The following ENPP3 variants were observed in gnomAD, a reference collection of about 807,000 sequenced individuals.
The protein encoded by ENPP3 is ectonucleotide pyrophosphatase/phosphodiesterase 3.
ENPP3 carries 104 observed loss-of-function variants against 117.8 expected under a neutral mutation model. The observed-to-expected ratio is 0.88, with a 90% CI of 0.75 to 1.04. The LOEUF (loss-of-function observed/expected upper bound fraction) is 1.04, where lower values mean the gene tolerates loss of function less well. Among genes scored for constraint, ENPP3 ranks in the 50% least tolerant of loss-of-function variants. The probability of loss-of-function intolerance (pLI) is 0.00; values close to 1 mark genes in which losing one functional copy is unlikely to be tolerated. For missense variants in ENPP3, 1,026 were observed against 1,051.9 expected (o/e 0.98, Z 0.34); for synonymous variants, 380 against 349.9 (o/e 1.09, Z -0.96).
chr6:131,683,183 C>A, intron 12 of ENPP3, 21 bp downstream of exon 12: 2 of 1,237,906 alleles, frequency 1.6e-6, no homozygotes, highest in Non-Finnish European at 2.4e-6. Context: ...AAAAAACATT[C>A]TTATTTTATC....
intron 20 of ENPP3, among the ~76,000 whole-genome samples, chr6:131,729,911 TC>T (rs1438385240): frequency 6.6e-6 from 1 of 151,944 alleles, no homozygotes; most frequent in East Asian, 1.9e-4. Context: ...CCAGTTCATT[TC>T]CCCCAGCACA....
At chr6:131,711,243 C>T (rs1294915303) in intron 15 of ENPP3, among the ~76,000 whole-genome samples, 1 of 152,138 alleles carries the variant, frequency 6.6e-6, no homozygotes, top group Admixed American at 6.5e-5. Context: ...CACTTTACAT[C>T]CTGAGGCAGC....
intron 2 of ENPP3, among the ~76,000 whole-genome samples, chr6:131,647,796 G>A (rs1210520716): frequency 3.3e-5 from 5 of 152,124 alleles, no homozygotes; most frequent in African/African-American, 4.8e-5. Context: ...ACTTTTCAAA[G>A]TATTATTAGT....
At chr6:131,731,440 A>AT (rs1191324524) in intron 20 of ENPP3, among the ~76,000 whole-genome samples, 1 of 152,098 alleles carries the variant, frequency 6.6e-6, no homozygotes, top group Non-Finnish European at 1.5e-5. Flanking sequence ...AGCATATACA[A>AT]TTTTCAGGCT....
chr6:131,691,165 G>A (rs1393033100), intron 14 of ENPP3, among the ~76,000 whole-genome samples: 1 of 152,132 alleles, frequency 6.6e-6, no homozygotes, highest in East Asian at 1.9e-4. Context: ...AGTATTCCCA[G>A]CAGTGCTGTT....
chr6:131,744,067 A>G (rs560124784), intron 24 of ENPP3, among the ~76,000 whole-genome samples: 17 of 152,192 alleles, frequency 1.1e-4, no homozygotes, highest in Non-Finnish European at 2.4e-4. Context: ...TTTGAATTAC[A>G]CAATGTACAG....
chr6:131,693,384 G>C, intron 14 of ENPP3, 113 bp from the exon 15 acceptor site: 1 of 892,614 alleles, frequency 1.1e-6, no homozygotes, highest in Non-Finnish European at 1.7e-6. Context: ...TATTAGCCAA[G>C]CTGAAATCCC....
rs147002047 is a variant in ENPP3 at position 131,718,782 on chromosome 6, G to T, written c.1479+44G>T. ...TTTTAACTTTTATTTTAAGTTCAGG[G>T]GTACATGTACAGAATGTGCAGGTTT... is the stretch of plus-strand genomic sequence containing the variant. On this transcript the variant is annotated intron_variant, in intron 16 of 24. Transcript: ENST00000357639. 846 of 1,210,124 alleles carry T rather than the reference G, an allele frequency of 7.0e-4. 5 individuals are homozygous for T. The African/African-American group carries it at 0.012, about 17-fold the overall frequency. 75.0% of individuals were successfully genotyped at this position (1,210,124 alleles called of 1,614,324 possible). A position where few individuals can be genotyped will look rare whatever the true frequency, so the allele number is the denominator to read the frequency against.
intron 24 of ENPP3, among the ~76,000 whole-genome samples, chr6:131,745,990 G>A (rs1016492947): frequency 5.5e-4 from 83 of 152,014 alleles, no homozygotes; most frequent in African/African-American, 1.9e-3. Flanking sequence ...GTGTGGCGGC[G>A]GGTGCCTGTA....
rs1780472410 is a variant in ENPP3, at chr6:131,739,331, A to G, written c.2301-893A>G. Among the ~76,000 whole-genome samples the G allele has an allele frequency of 2.0e-5, 3 of 152,224 alleles. No individual in the cohort carries two copies. The South Asian group carries it at 6.2e-4, about 32-fold the overall frequency. ...TTATCTGAAACCGAAGTACTGTCAC[A>G]TCAGTTGTATGGATTTATCCCCATG... On this transcript the variant is annotated intron_variant, in intron 23 of 24. Transcript: ENST00000357639.
intron 15 of ENPP3, among the ~76,000 whole-genome samples, chr6:131,717,905 C>T (rs553673104): frequency 5.3e-5 from 8 of 152,120 alleles, no homozygotes; most frequent in Admixed American, 5.2e-4. Context: ...CAAATCCTTA[C>T]CATTGTGTTA....
At chr6:131,683,785 C>T (rs1187110266) in intron 12 of ENPP3, among the ~76,000 whole-genome samples, 4 of 143,360 alleles carry the variant, frequency 2.8e-5, no homozygotes, top group African/African-American at 1.1e-4. Flanking sequence ...GAGTCTCGCT[C>T]TGTCACCCAG....
chr6:131,740,118 A>T (rs1780495039), intron 23 of ENPP3, 106 bp from the exon 24 acceptor site: 4 of 791,808 alleles, frequency 5.1e-6, no homozygotes, highest in Non-Finnish European at 7.2e-6. Flanking sequence ...GAATTATAAG[A>T]ATTATTATTT....
At chr6:131,714,691 A>G (rs2699836) in intron 15 of ENPP3, among the ~76,000 whole-genome samples, 260 of 117,760 alleles carry the variant, frequency 2.2e-3, no homozygotes, top group Middle Eastern at 8.5e-3. Context: ...ATGATTATAT[A>G]TATCAATTTT....
At position 131,720,979 on chromosome 6, in the gene ENPP3, C is replaced by T. The variant is rs528193964; in HGVS notation, c.1567+600C>T. Among the ~76,000 whole-genome samples, 96 of 152,188 alleles carry T rather than the reference C, an allele frequency of 6.3e-4. 1 individual carries two copies. Among genetic ancestry groups the T allele is most frequent in the African/African-American group, 2.2e-3 (91 of 41,518 alleles). On this transcript the variant is annotated intron_variant, in intron 17 of 24. Coordinates refer to ENST00000357639, the MANE Select transcript of ENPP3 (RefSeq NM_005021.5). ...TTTAATAAAACTTAGGTAAATAATACTTCCAACTTTTCAAAGCAAGACAAA... is the reference window on the plus strand; with the variant it reads ...TTTAATAAAACTTAGGTAAATAATATTTCCAACTTTTCAAAGCAAGACAAA...
chr6:131,733,325 C>T (rs1159016734), intron 20 of ENPP3, among the ~76,000 whole-genome samples: 1 of 152,078 alleles, frequency 6.6e-6, no homozygotes, highest in Non-Finnish European at 1.5e-5. Flanking sequence ...CCCATTATTC[C>T]TCTGCTCTCA....
intron 6 of ENPP3, among the ~76,000 whole-genome samples, chr6:131,669,600 G>A (rs2114369920): frequency 7.2e-6 from 1 of 138,100 alleles, no homozygotes; most frequent in African/African-American, 2.7e-5. Flanking sequence ...AAGTTGCAGT[G>A]AGCCGAGATC....
intron 10 of ENPP3, 97 bp from the exon 11 acceptor site, chr6:131,677,771 C>A: frequency 1.3e-6 from 1 of 750,088 alleles, no homozygotes; most frequent in African/African-American, 1.8e-5. Context: ...AAAGAAAAGG[C>A]AATGGCTAGC....
At chr6:131,679,678 A>G (rs1336674452) in intron 11 of ENPP3, among the ~76,000 whole-genome samples, 1 of 151,702 alleles carries the variant, frequency 6.6e-6, no homozygotes, top group Non-Finnish European at 1.5e-5. Context: ...TGGTTAGGAG[A>G]CTCTCCTCTG....
Sources: allele counts gnomAD v4.1 joint callset (sites outside exome capture counted in the v4.1 genomes callset), GRCh38; gene constraint gnomAD v4.1.1; transcripts MANE v1.5; gene names NCBI Gene and HGNC (gene_info 2026-07-23, HGNC 2026-07-21).